The following BCAS3 variants were observed in gnomAD, a reference collection of about 807,000 sequenced individuals.
BCAS3 encodes BCAS3 microtubule associated cell migration factor.
A neutral mutation model predicts 116.1 loss-of-function variants in BCAS3; 53 were observed. That is an observed-to-expected ratio of 0.46 (90% CI 0.37 to 0.57). The LOEUF (loss-of-function observed/expected upper bound fraction) is 0.57. Among genes scored for constraint, BCAS3 ranks in the 20% least tolerant of loss-of-function variants. The pLI, the probability that BCAS3 is intolerant of heterozygous loss-of-function variation, is 0.00. For missense variants in BCAS3, 917 were observed against 1,165.4 expected, an observed-to-expected ratio of 0.79 and a Z score of 3.10; for synonymous variants, 391 against 408.2, an observed-to-expected ratio of 0.96 and a Z score of 0.51.
At position 61,004,711 on chromosome 17, in the gene BCAS3, C is replaced by A. The variant is rs2064525277; in HGVS notation, c.1487-11040C>A. ...GAGAAAAGGAAAAGGATTTAAGGTT[C>A]ATTGAAAGAGTTATTAACATTGGAT... is the stretch of plus-strand genomic sequence containing the variant. On this transcript the variant is annotated intron_variant, in intron 15 of 23. Coordinates refer to ENST00000407086, the MANE Select transcript of BCAS3 (RefSeq NM_017679.5). The surrounding 1 kb of genome is among the most constrained non-coding windows in gnomAD (Gnocchi z 4.8). Among the ~76,000 whole-genome samples, 2 of 152,000 alleles carry A rather than the reference C, an allele frequency of 1.3e-5. No individual in the cohort carries two copies. Among genetic ancestry groups the A allele is most frequent in the Non-Finnish European group, 2.9e-5 (2 of 67,986 alleles).
intron 7 of BCAS3, among the ~76,000 whole-genome samples, chr17:60,842,653 A>G (rs1429670893): frequency 6.6e-6 from 1 of 152,034 alleles, no homozygotes; most frequent in Non-Finnish European, 1.5e-5. Context: ...ATTCTCATCT[A>G]AGTAAGCAGT....
At chr17:61,264,487 C>G (rs956969098) in intron 22 of BCAS3, among the ~76,000 whole-genome samples, 3 of 151,280 alleles carry the variant, frequency 2.0e-5, no homozygotes, top group Non-Finnish European at 4.4e-5. Context: ...TGGCTAACTG[C>G]AACCTCTGCC....
intron 22 of BCAS3, among the ~76,000 whole-genome samples, chr17:61,252,271 G>A (rs2048427145): frequency 6.6e-6 from 1 of 152,220 alleles, no homozygotes; most frequent in Admixed American, 6.5e-5. Flanking sequence ...GTAAAGGAAA[G>A]CAATGTGGTA....
chr17:60,925,289 A>G (rs558367484), intron 13 of BCAS3, among the ~76,000 whole-genome samples: 3 of 152,276 alleles, frequency 2.0e-5, no homozygotes, highest in South Asian at 4.1e-4. Context: ...GTCTAGAGGT[A>G]TAAATCCATT....
chr17:61,345,744 C>T (rs1182479005), intron 22 of BCAS3, among the ~76,000 whole-genome samples: 1 of 151,936 alleles, frequency 6.6e-6, no homozygotes, highest in African/African-American at 2.4e-5. Context: ...CCTATGAGCC[C>T]CAAACACGGG....
chr17:60,715,081 T>C (rs556137937), intron 5 of BCAS3, among the ~76,000 whole-genome samples: 1 of 152,198 alleles, frequency 6.6e-6, no homozygotes, highest in East Asian at 1.9e-4. Context: ...AACCAAATAG[T>C]TTCGTGAGAT....
intron 5 of BCAS3, among the ~76,000 whole-genome samples, chr17:60,740,969 C>T (rs1022466764): frequency 6.6e-6 from 1 of 152,054 alleles, no homozygotes; most frequent in Non-Finnish European, 1.5e-5. Context: ...TGTGAGGGCC[C>T]CTAGGTCTGG....
chr17:61,077,165 T>C lies in BCAS3; in HGVS notation c.2131-1168T>C. ...AAAAAAAAAAAAATCATGTAATATATATATTTTCAGGTTTTTCCAAGTGTC... is the reference window on the plus strand; with the variant it reads ...AAAAAAAAAAAAATCATGTAATATACATATTTTCAGGTTTTTCCAAGTGTC... On this transcript the variant is annotated intron_variant, in intron 20 of 23. Coordinates refer to ENST00000407086, the MANE Select transcript of BCAS3 (RefSeq NM_017679.5). The surrounding 1 kb of genome is among the most constrained non-coding windows in gnomAD (Gnocchi z 4.3). Among the ~76,000 whole-genome samples the C allele has an allele frequency of 6.6e-6, 1 of 151,868 alleles. No homozygotes were observed. Among genetic ancestry groups the C allele is most frequent in the East Asian group, 1.9e-4 (1 of 5,192 alleles).
rs1018041709 is a variant in BCAS3, at chr17:61,144,451, C to T, written c.2425+59887C>T. Reference sequence around the variant, plus strand: ...AAGCAAGTGTTTCATAATGAAGTGTCCCTCCAAGCATTCTCTATCTTCTGG... The same window carrying T: ...AAGCAAGTGTTTCATAATGAAGTGTTCCTCCAAGCATTCTCTATCTTCTGG... On this transcript the variant is annotated intron_variant, in intron 22 of 23. Transcript: ENST00000407086. The surrounding 1 kb of genome is among the most constrained non-coding windows in gnomAD (Gnocchi z 5.0). Among the ~76,000 whole-genome samples, 5 of 152,166 alleles carry T rather than the reference C, an allele frequency of 3.3e-5. No individual in the cohort carries two copies. The highest frequency in any genetic ancestry group is 1.2e-4 in the African/African-American group (5 of 41,438).
At chr17:60,732,150 C>T (rs1313435631) in intron 5 of BCAS3, among the ~76,000 whole-genome samples, 2 of 152,124 alleles carry the variant, frequency 1.3e-5, no homozygotes, top group South Asian at 4.1e-4. Context: ...TATATTGACA[C>T]ATTATTAATA....
Position 61,068,719 on chromosome 17 carries a change from C to T in BCAS3, c.2030-6201C>T, listed in dbSNP as rs1032370792. 2.0e-5 allele frequency among the ~76,000 whole-genome samples: 3 copies of T among 152,190 alleles called. No homozygotes were observed. The highest frequency in any genetic ancestry group is 7.2e-5 in the African/African-American group (3 of 41,456). Reference sequence around the variant, plus strand: ...CCTAAAACTTCTTCTGGGATTCTGTCGTTTCCCACTCCTCTTTGTGACCCT... The same window carrying T: ...CCTAAAACTTCTTCTGGGATTCTGTTGTTTCCCACTCCTCTTTGTGACCCT... On this transcript the variant is annotated intron_variant, in intron 19 of 23. Transcript: ENST00000407086. This position sits in a 1 kb window ranked among gnomAD's most constrained non-coding sequence, Gnocchi z 4.3.
intron 22 of BCAS3, among the ~76,000 whole-genome samples, chr17:61,110,368 G>A (rs1482903061): frequency 3.9e-5 from 6 of 152,180 alleles, no homozygotes; most frequent in Admixed American, 2.6e-4. Flanking sequence ...GACAGTGGGC[G>A]CAGGTCAGTG....
At chr17:61,116,260 A>ATAAC (rs2075440300) in intron 22 of BCAS3, among the ~76,000 whole-genome samples, 1 of 68,918 alleles carries the variant, frequency 1.5e-5, no homozygotes, top group Non-Finnish European at 3.2e-5. Context: ...AAATAAATAA[A>ATAAC]TAAATAAATA....
Position 61,339,500 on chromosome 17 carries a change from C to T in BCAS3, c.2426-28827C>T, listed in dbSNP as rs1210733381. On this transcript the variant is annotated intron_variant, in intron 22 of 23. Coordinates refer to ENST00000407086, the MANE Select transcript of BCAS3 (RefSeq NM_017679.5). The surrounding 1 kb of genome is among the most constrained non-coding windows in gnomAD (Gnocchi z 4.4). Reference sequence around the variant, plus strand: ...AGACTGAGGAGGCTGGAAACATTGGCTCAAGCCTGTAATCCCAGCAGTTGG... The same window carrying T: ...AGACTGAGGAGGCTGGAAACATTGGTTCAAGCCTGTAATCCCAGCAGTTGG... Among the ~76,000 whole-genome samples the T allele has an allele frequency of 6.6e-6, 1 of 152,194 alleles. No homozygotes were observed. Among genetic ancestry groups the T allele is most frequent in the African/African-American group, 2.4e-5 (1 of 41,452 alleles).
In BCAS3 at chr17:61,265,662, T is replaced by C. The variant is rs1484310913; in HGVS notation, c.2426-102665T>C. Among the ~76,000 whole-genome samples the C allele has an allele frequency of 6.7e-6, 1 of 150,046 alleles. No homozygotes were observed. Among genetic ancestry groups the C allele is most frequent in the African/African-American group, 2.4e-5 (1 of 40,892 alleles). On this transcript the variant is annotated intron_variant, in intron 22 of 23. Coordinates refer to ENST00000407086, the MANE Select transcript of BCAS3 (RefSeq NM_017679.5). The surrounding 1 kb of genome is among the most constrained non-coding windows in gnomAD (Gnocchi z 4.3). Reference sequence around the variant, plus strand: ...AAGCTCACTTGATAAAGAAATGAATTTCAGGATTTAACTATGTAACACCAT... The same window carrying C: ...AAGCTCACTTGATAAAGAAATGAATCTCAGGATTTAACTATGTAACACCAT...
chr17:61,192,840 T>A (rs1221390132), intron 22 of BCAS3, among the ~76,000 whole-genome samples: 1 of 152,262 alleles, frequency 6.6e-6, no homozygotes, highest in African/African-American at 2.4e-5. Context: ...TATTATAATT[T>A]ACTTACATGG....
rs984797893 is a variant in BCAS3, at chr17:61,313,050, C to T, written c.2426-55277C>T. Among the ~76,000 whole-genome samples the T allele has an allele frequency of 9.2e-5, 14 of 152,164 alleles. No individual in the cohort carries two copies. The highest frequency in any genetic ancestry group is 1.2e-4 in the Non-Finnish European group (8 of 68,024). ...ACTTCCCATCTTTCACCTCGTTGAT[C>T]GCCTCAAAATCCCGTGAGGTTTTTA... On this transcript the variant is annotated intron_variant, in intron 22 of 23. Coordinates refer to ENST00000407086, the MANE Select transcript of BCAS3 (RefSeq NM_017679.5). The surrounding 1 kb of genome is among the most constrained non-coding windows in gnomAD (Gnocchi z 4.3).
intron 9 of BCAS3, among the ~76,000 whole-genome samples, chr17:60,881,906 T>A (rs2056198702): frequency 6.7e-6 from 1 of 149,008 alleles, no homozygotes; most frequent in Non-Finnish European, 1.5e-5. Context: ...AACATACGTG[T>A]GCATGTGTCT....
intron 22 of BCAS3, among the ~76,000 whole-genome samples, chr17:61,158,675 G>A (rs1653038512): frequency 6.6e-6 from 1 of 152,104 alleles, no homozygotes; most frequent in African/African-American, 2.4e-5. Context: ...AATGATATTT[G>A]CTTAAAGGGA....
Sources: gnomAD v4.1 joint callset for allele counts (sites outside exome capture counted in the v4.1 genomes callset) on GRCh38, gnomAD v4.1.1 for gene constraint, Gnocchi (gnomAD v3.1) non-coding constraint, MANE v1.5 for transcripts, NCBI Gene and HGNC (gene_info 2026-07-23, HGNC 2026-07-21) for gene names.